The following ZNF846 variants were observed in gnomAD, a reference collection of about 807,000 sequenced individuals.
ZNF846 encodes zinc finger protein 420 pseudogene.
Under a neutral mutation model 16.0 loss-of-function variants are expected in ZNF846, and 15 were observed. That is an observed-to-expected ratio of 0.94 (90% CI 0.63 to 1.45). The LOEUF (loss-of-function observed/expected upper bound fraction) is 1.45, where lower values mean the gene tolerates loss of function less well. Ranked by LOEUF, ZNF846 falls within the 40% of genes most tolerant of loss-of-function variation. The pLI, the probability that ZNF846 is intolerant of heterozygous loss-of-function variation, is 0.00. For synonymous variants in ZNF846, 229 were observed against 212.0 expected, an observed-to-expected ratio of 1.08 and a Z score of -0.70; for missense variants, 714 against 622.3, an observed-to-expected ratio of 1.15 and a Z score of -1.57.
exon 2 of ZNF846, chr19:9,764,957 T>C (rs757914705): frequency 6.2e-7 from 1 of 1,614,156 alleles, no homozygotes; most frequent in Non-Finnish European, 8.5e-7. Flanking sequence ...CCATCAGTAA[T>C]CCATCAGTAA....
At chr19:9,756,272 TTTATA>T (rs2045132894), downstream of ZNF846, 1 of 148,306 alleles carries the variant, frequency 6.7e-6, no homozygotes, top group Non-Finnish European at 1.5e-5. Context: ...TGAATTATCA[TTTATA>T]TTAAAGGATG....
chr19:9,765,526 A>T (rs929965210), intron 1 of ZNF846, among the ~76,000 whole-genome samples: 1 of 152,062 alleles, frequency 6.6e-6, no homozygotes, highest in African/African-American at 2.4e-5. Context: ...CAAAAAAATT[A>T]GCTGGGCATG....
chr19:9,784,233 T>C (rs539815755), intron 1 of ZNF846, among the ~76,000 whole-genome samples: 1 of 152,292 alleles, frequency 6.6e-6, no homozygotes, highest in East Asian at 1.9e-4. Flanking sequence ...GTTCCCTCAG[T>C]ATTTATTGAT....
chr19:9,783,542 AAAATATAT>A (rs2045526735), intron 1 of ZNF846, among the ~76,000 whole-genome samples: 1 of 118,456 alleles, frequency 8.4e-6, no homozygotes, highest in African/African-American at 4.0e-5. Flanking sequence ...AAAAAAAAAA[AAAATATAT>A]ATATATATAT....
At chr19:9,770,698 T>C (rs886615749), upstream of ZNF846, among the ~76,000 whole-genome samples, 2 of 151,238 alleles carry the variant, frequency 1.3e-5, no homozygotes, top group Non-Finnish European at 2.9e-5. Context: ...TGAAACACGG[T>C]CTCTACTAAA....
At chr19:9,758,738 C>T (rs149800416) in exon 6 of ZNF846, 6 of 1,585,100 alleles carry the variant, frequency 3.8e-6, no homozygotes, top group Admixed American at 3.6e-5. Flanking sequence ...TAGAGTCATA[C>T]AGTTTCTCTG....
At chr19:9,755,935 G>A (rs112020366), downstream of ZNF846, among the ~76,000 whole-genome samples, 3,644 of 145,732 alleles carry the variant, frequency 0.025, 244 homozygotes, top group African/African-American at 0.09. Context: ...CTGTCTCCTG[G>A]GTTCACACAA....
At chr19:9,750,891 A>C (rs1459168684), downstream of ZNF846, among the ~76,000 whole-genome samples, 3 of 152,170 alleles carry the variant, frequency 2.0e-5, no homozygotes, top group African/African-American at 7.2e-5. Context: ...CGATTTACTC[A>C]CTGCTGAAAA....
upstream of ZNF846, among the ~76,000 whole-genome samples, chr19:9,770,831 G>A (rs2045383988): frequency 6.6e-6 from 1 of 151,556 alleles, no homozygotes; most frequent in Admixed American, 6.6e-5. Context: ...ATGGCGCCAC[G>A]GCACTTCAGC....
intron 5 of ZNF846, among the ~76,000 whole-genome samples, chr19:9,759,085 G>C (rs1029712537): frequency 1.3e-5 from 2 of 151,702 alleles, no homozygotes; most frequent in Non-Finnish European, 2.9e-5. Context: ...AGCAATCTCT[G>C]CCTCCCAGTT....
chr19:9,763,460 TTC>T, intron 2 of ZNF846, 52 bp from the exon 3 acceptor site: 3 of 1,526,954 alleles, frequency 2.0e-6, no homozygotes, highest in Non-Finnish European at 2.6e-6. Context: ...TCCTTTGATG[TTC>T]TGAGAAAAAT....
downstream of ZNF846, among the ~76,000 whole-genome samples, chr19:9,748,695 C>T (rs567706350): frequency 6.6e-6 from 1 of 152,248 alleles, no homozygotes; most frequent in East Asian, 1.9e-4. Context: ...TCACCAAGCT[C>T]AGCCTTCAAC....
downstream of ZNF846, among the ~76,000 whole-genome samples, chr19:9,754,456 C>A (rs2045114128): frequency 6.7e-6 from 1 of 149,494 alleles, no homozygotes; most frequent in South Asian, 2.1e-4. Flanking sequence ...CCTATCTACT[C>A]AGGAGGCTGA....
intron 1 of ZNF846, among the ~76,000 whole-genome samples, chr19:9,785,446 T>C (rs1019812741): frequency 1.3e-5 from 2 of 151,686 alleles, no homozygotes; most frequent in Non-Finnish European, 2.9e-5. Flanking sequence ...TCCGCCTGCG[T>C]CAGCCTCCCA....
chr19:9,769,378 G>A (rs1464217939), upstream of ZNF846, among the ~76,000 whole-genome samples: 1 of 152,046 alleles, frequency 6.6e-6, no homozygotes, highest in Non-Finnish European at 1.5e-5. Context: ...CACCACGCCT[G>A]GCTAATTTAT....
At chr19:9,779,817 C>T (rs2045482625) in intron 1 of ZNF846, among the ~76,000 whole-genome samples, 1 of 151,890 alleles carries the variant, frequency 6.6e-6, no homozygotes, top group Non-Finnish European at 1.5e-5. Context: ...AGGTGATCCA[C>T]CCACCTCCAA....
intron 1 of ZNF846, among the ~76,000 whole-genome samples, chr19:9,778,575 C>A (rs552739646): frequency 1.3e-5 from 2 of 152,044 alleles, no homozygotes; most frequent in Non-Finnish European, 2.9e-5. Context: ...GAGGCCAAGG[C>A]GGATGGATCA....
At chr19:9,778,609 A>C (rs1432124642) in intron 1 of ZNF846, among the ~76,000 whole-genome samples, 4 of 152,276 alleles carry the variant, frequency 2.6e-5, no homozygotes, top group South Asian at 4.1e-4. Context: ...GTTTGAGACC[A>C]GCCTGGCTAA....
intron 2 of ZNF846, 141 bp downstream of exon 2, chr19:9,764,795 C>A: frequency 1.0e-6 from 1 of 992,016 alleles, no homozygotes; most frequent in Admixed American, 1.8e-5. Flanking sequence ...TGGCTTGGTT[C>A]CTAGAGAAAT....
Sources: allele counts gnomAD v4.1 joint callset (sites outside exome capture counted in the v4.1 genomes callset), GRCh38; gene constraint gnomAD v4.1.1; transcripts MANE v1.5; gene names NCBI Gene and HGNC (gene_info 2026-07-23, HGNC 2026-07-21).